Variants in LRRK1 observed in about 807,000 individuals in gnomAD.
LRRK1 encodes the protein leucine-rich repeat serine/threonine-protein kinase 1.
LRRK1 carries 113 observed loss-of-function variants against 209.1 expected under a neutral mutation model. The ratio of observed to expected loss-of-function variants is 0.54; its 90% CI spans 0.46 to 0.63. The LOEUF is 0.63. Ranked by LOEUF, LRRK1 falls within the 30% of genes least tolerant of loss-of-function variation. The probability of loss-of-function intolerance (pLI) is 0.00; values close to 1 mark genes in which losing one functional copy is unlikely to be tolerated. For synonymous variants in LRRK1, 1,144 were observed against 1,099.7 expected (o/e 1.04, Z -0.80); for missense variants, 2,284 against 2,632.2 (o/e 0.87, Z 2.89).
At position 101,065,744 on chromosome 15, in the gene LRRK1, C is replaced by T. The variant is rs774746551; in HGVS notation, c.5307C>T (p.Tyr1769=). 4 of 1,614,172 alleles carry T rather than the reference C, an allele frequency of 2.5e-6. No homozygotes were observed. The highest frequency in any genetic ancestry group is 1.3e-5 in the African/African-American group (1 of 75,040). ...NSLVMYHSTT[Y]QLCARYFCGV... is the part of the protein sequence containing the mutation. ...TGGTGATGTACCACTCCACCACCTA[C>T]CAGCTGTGTGCCCGGTACTTCTGCG... Residue 1769 remains tyrosine (Y), a synonymous_variant, in exon 32 of 34, where the codon TAC becomes TAT. Transcript: ENST00000388948.
At chr15:100,945,404 T>C (rs775549719) in intron 2 of LRRK1, among the ~76,000 whole-genome samples, 1 of 151,788 alleles carries the variant, frequency 6.6e-6, no homozygotes, top group Non-Finnish European at 1.5e-5. Flanking sequence ...TCTCTTACGA[T>C]GAGTGTGACC....
chr15:100,937,680 G>T (rs1206830371), intron 2 of LRRK1, among the ~76,000 whole-genome samples: 1 of 151,686 alleles, frequency 6.6e-6, no homozygotes, highest in Non-Finnish European at 1.5e-5. Context: ...GACTACAGGC[G>T]CCCGCCACCA....
chr15:100,988,904 C>A, intron 5 of LRRK1, 91 bp downstream of exon 5: 1 of 1,107,994 alleles, frequency 9.0e-7, no homozygotes. Context: ...TCACTCTTGG[C>A]TCTCAAATCA....
At chr15:100,953,330 C>T (rs2042692233) in intron 2 of LRRK1, among the ~76,000 whole-genome samples, 1 of 152,212 alleles carries the variant, frequency 6.6e-6, no homozygotes, top group Middle Eastern at 3.4e-3. Flanking sequence ...CTCTCGGCTT[C>T]TTTAATTTGG....
chr15:100,962,916 C>G (rs573370429), intron 2 of LRRK1, among the ~76,000 whole-genome samples: 34 of 143,340 alleles, frequency 2.4e-4, no homozygotes, highest in African/African-American at 8.8e-4. Context: ...CTCTACCTCC[C>G]GAGTTCAAGC....
At chr15:100,996,179 C>T (rs1484983225) in intron 6 of LRRK1, among the ~76,000 whole-genome samples, 3 of 152,264 alleles carry the variant, frequency 2.0e-5, no homozygotes, top group African/African-American at 7.2e-5. Context: ...TAGGACCTCA[C>T]ATTTGGTGCA....
intron 27 of LRRK1, 94 bp from the exon 28 acceptor site, chr15:101,056,762 C>T: frequency 1.1e-6 from 1 of 940,458 alleles, no homozygotes; most frequent in Non-Finnish European, 1.6e-6. Context: ...TTTTCCTTGT[C>T]TAATTGTGTC....
At chr15:100,959,018 C>T (rs781443253) in intron 2 of LRRK1, among the ~76,000 whole-genome samples, 1 of 152,120 alleles carries the variant, frequency 6.6e-6, no homozygotes, top group Non-Finnish European at 1.5e-5. Context: ...CTGATATGAA[C>T]CCTACCACTG....
chr15:100,954,675 A>G (rs4965740), intron 2 of LRRK1, among the ~76,000 whole-genome samples: 138,063 of 152,284 alleles, frequency 0.91, 62,777 homozygotes, highest in East Asian at 0.99. Flanking sequence ...TGTGCATGGC[A>G]TAAGATATGG....
intron 19 of LRRK1, 28 bp from the exon 20 acceptor site, chr15:101,028,928 T>G (rs2034159217): frequency 6.2e-7 from 1 of 1,609,502 alleles, no homozygotes; most frequent in East Asian, 2.2e-5. Flanking sequence ...GTCTAACTGC[T>G]GCTTCCTCCT....
intron 6 of LRRK1, among the ~76,000 whole-genome samples, chr15:100,994,801 ACCTGCAACAGCACATT>A (rs2032324682): frequency 6.6e-6 from 1 of 152,140 alleles, no homozygotes; most frequent in Non-Finnish European, 1.5e-5. Context: ...GTCATCTCTA[ACCTGCAACAGCACATT>A]CCTTCGGTGC....
intron 26 of LRRK1, 107 bp downstream of exon 26, chr15:101,053,527 C>G: frequency 1.0e-6 from 1 of 967,440 alleles, no homozygotes; most frequent in Non-Finnish European, 1.5e-6. Flanking sequence ...AAGCCCAGGG[C>G]ACGCCCAACC....
At chr15:100,975,304 G>A (rs2031226760) in intron 3 of LRRK1, among the ~76,000 whole-genome samples, 1 of 152,236 alleles carries the variant, frequency 6.6e-6, no homozygotes, top group African/African-American at 2.4e-5. Flanking sequence ...ATTCAGGGAT[G>A]TGGCAGCAGC....
chr15:100,969,215 T>A (rs2030697641), intron 2 of LRRK1, among the ~76,000 whole-genome samples: 1 of 152,220 alleles, frequency 6.6e-6, no homozygotes, highest in Non-Finnish European at 1.5e-5. Flanking sequence ...TACCATTTAT[T>A]TTCAGATATG....
chr15:101,015,468 C>A, intron 12 of LRRK1, 66 bp downstream of exon 12: 1 of 1,235,382 alleles, frequency 8.1e-7, no homozygotes, highest in Non-Finnish European at 1.2e-6. Flanking sequence ...TCCTGCTCCA[C>A]CAAAGTGGGG....
At chr15:101,002,470 A>G (rs1419567840) in intron 6 of LRRK1, among the ~76,000 whole-genome samples, 1 of 152,238 alleles carries the variant, frequency 6.6e-6, no homozygotes, top group Non-Finnish European at 1.5e-5. Context: ...AACCAACATG[A>G]ACACATTCTC....
At chr15:101,058,742 G>T (rs1389512534) in intron 29 of LRRK1, among the ~76,000 whole-genome samples, 1 of 151,590 alleles carries the variant, frequency 6.6e-6, no homozygotes, top group Non-Finnish European at 1.5e-5. Flanking sequence ...ACAAATTCAG[G>T]GAGCACAATG....
intron 6 of LRRK1, among the ~76,000 whole-genome samples, chr15:101,005,870 AT>A (rs1232625454): frequency 1.3e-5 from 2 of 152,256 alleles, no homozygotes; most frequent in African/African-American, 4.8e-5. Flanking sequence ...ATGCTTTTCT[AT>A]ACAGAAGAAT....
intron 2 of LRRK1, among the ~76,000 whole-genome samples, chr15:100,970,536 A>G (rs959224725): frequency 6.6e-6 from 1 of 152,096 alleles, no homozygotes; most frequent in Non-Finnish European, 1.5e-5. Context: ...CTTGATTACT[A>G]TAGCTTTGTA....
Sources: allele counts gnomAD v4.1 joint callset (sites outside exome capture counted in the v4.1 genomes callset), GRCh38; gene constraint gnomAD v4.1.1; transcripts MANE v1.5; gene names NCBI Gene and HGNC (gene_info 2026-07-23, HGNC 2026-07-21).